Variants in SPECC1 observed in about 807,000 individuals in gnomAD.
SPECC1 encodes sperm antigen with calponin homology and coiled-coil domains 1, also known as cytospin-B.
In SPECC1, 62 loss-of-function variants were observed where a neutral mutation model predicts 104.1. The observed-to-expected ratio is 0.60, with a 90% CI of 0.49 to 0.74. SPECC1 has a LOEUF of 0.74. Ranked by LOEUF, SPECC1 falls within the 30% of genes least tolerant of loss-of-function variation. The pLI is 0.00. For missense variants in SPECC1, 1,306 were observed against 1,310.5 expected, an observed-to-expected ratio of 1.00 and a Z score of 0.05; for synonymous variants, 513 against 501.6, an observed-to-expected ratio of 1.02 and a Z score of -0.30.
intron 3 of SPECC1, among the ~76,000 whole-genome samples, chr17:20,132,052 T>G (rs1180502358): frequency 4.6e-5 from 7 of 152,130 alleles, no homozygotes; most frequent in Admixed American, 4.6e-4. Flanking sequence ...ATTCCAGTTT[T>G]TCTAAGATTT....
intron 12 of SPECC1, among the ~76,000 whole-genome samples, chr17:20,267,172 T>C (rs2040244489): frequency 6.6e-6 from 1 of 152,194 alleles, no homozygotes; most frequent in African/African-American, 2.4e-5. Context: ...GCTCAACTCA[T>C]ACACACTGGT....
At position 20,279,385 on chromosome 17, in the gene SPECC1, C is replaced by T. The variant is rs186749731; in HGVS notation, c.2941-17576C>T. On this transcript the variant is annotated intron_variant, in intron 12 of 14. Coordinates refer to ENST00000395527, the MANE Select transcript of SPECC1 (RefSeq NM_001243439.2). ...TTGCCCAGGCTGGAGTGCAATGGTG[C>T]GATCTCAGCTCACTGCAACCTCTGC... is the stretch of plus-strand genomic sequence containing the variant. Among the ~76,000 whole-genome samples, 246 of 143,134 alleles carry T rather than the reference C, an allele frequency of 1.7e-3. 1 individual carries two copies. Among genetic ancestry groups the T allele is most frequent in the African/African-American group, 6.3e-3 (239 of 38,000 alleles). The allele number at this position is 143,134 out of a possible 152,430, so 93.9% of individuals were successfully genotyped here.
At chr17:20,279,326 T>TC (rs2040683612) in intron 12 of SPECC1, among the ~76,000 whole-genome samples, 1 of 149,390 alleles carries the variant, frequency 6.7e-6, no homozygotes, top group African/African-American at 2.5e-5. Context: ...TTTTTTTCTT[T>TC]TTTTTTTTTT....
At chr17:20,211,914 T>C (rs1337764959) in intron 4 of SPECC1, among the ~76,000 whole-genome samples, 1 of 152,232 alleles carries the variant, frequency 6.6e-6, no homozygotes, top group Non-Finnish European at 1.5e-5. Context: ...TCCTTTCACA[T>C]GACCTCAGGA....
At chr17:20,122,659 G>A (rs967829369) in intron 3 of SPECC1, among the ~76,000 whole-genome samples, 5 of 151,988 alleles carry the variant, frequency 3.3e-5, no homozygotes, top group Admixed American at 1.3e-4. Flanking sequence ...CTCAGCTCCC[G>A]GCAAGCACCA....
At chr17:20,193,901 CAG>C (rs1227218654) in intron 3 of SPECC1, among the ~76,000 whole-genome samples, 1 of 152,140 alleles carries the variant, frequency 6.6e-6, no homozygotes, top group Non-Finnish European at 1.5e-5. Context: ...GAGCAGCAGT[CAG>C]AGATCACTGG....
chr17:20,182,765 GAAGA>G (rs749515957), intron 3 of SPECC1, among the ~76,000 whole-genome samples: 4 of 152,322 alleles, frequency 2.6e-5, no homozygotes, highest in East Asian at 3.9e-4. Context: ...GGAAAGGGGT[GAAGA>G]AAGAGAGAAC....
Position 20,318,084 on chromosome 17 carries a change from C to T in SPECC1, c.*4019C>T, listed in dbSNP as rs1167020137. ...TGAGGATTTCAAAGACCACAACAGC[C>T]ACATTTCTTTCCATCTTCCCTCAGC... is the stretch of plus-strand genomic sequence containing the variant. On this transcript the variant is annotated 3_prime_UTR_variant, in exon 15 of 15. Coordinates refer to ENST00000395527, the MANE Select transcript of SPECC1 (RefSeq NM_001243439.2). 2 of 231,150 alleles carry T rather than the reference C, an allele frequency of 8.7e-6. No homozygotes were observed. The highest frequency in any genetic ancestry group is 1.7e-5 in the Non-Finnish European group (2 of 116,846). 14.3% of individuals were successfully genotyped at this position (231,150 alleles called of 1,614,324 possible). A position where few individuals can be genotyped will look rare whatever the true frequency, so the allele number is the denominator to read the frequency against.
chr17:20,206,190 G>C (rs961069819), intron 4 of SPECC1, among the ~76,000 whole-genome samples: 1 of 152,198 alleles, frequency 6.6e-6, no homozygotes, highest in Non-Finnish European at 1.5e-5. Flanking sequence ...TACAGCCTAT[G>C]CCCAGGCTCT....
chr17:20,214,953 C>T (rs2151399371), intron 4 of SPECC1, among the ~76,000 whole-genome samples: 1 of 152,356 alleles, frequency 6.6e-6, no homozygotes, highest in Middle Eastern at 3.4e-3. Context: ...GGTTGTGCTG[C>T]TTCCTGGGAG....
intron 3 of SPECC1, among the ~76,000 whole-genome samples, chr17:20,134,797 C>A (rs1324838365): frequency 6.6e-6 from 1 of 152,118 alleles, no homozygotes; most frequent in Non-Finnish European, 1.5e-5. Flanking sequence ...AATGCTGTCC[C>A]TGCAGGTAAC....
chr17:20,076,741 G>T (rs892287413), intron 1 of SPECC1, among the ~76,000 whole-genome samples: 1 of 152,152 alleles, frequency 6.6e-6, no homozygotes, highest in African/African-American at 2.4e-5. Context: ...TTTTAATGGT[G>T]CTTGGTGTGT....
At chr17:20,193,286 C>A (rs1356003647) in intron 3 of SPECC1, among the ~76,000 whole-genome samples, 1 of 152,166 alleles carries the variant, frequency 6.6e-6, no homozygotes, top group Non-Finnish European at 1.5e-5. Flanking sequence ...TGACCTGTAT[C>A]TTGTGCCAAC....
At chr17:20,278,046 C>T (rs903984052) in intron 12 of SPECC1, among the ~76,000 whole-genome samples, 5 of 152,166 alleles carry the variant, frequency 3.3e-5, no homozygotes, top group African/African-American at 7.2e-5. Context: ...AAACCCTTAA[C>T]GACTCTGCAG....
chr17:20,164,649 G>T (rs1413630315), intron 3 of SPECC1, among the ~76,000 whole-genome samples: 1 of 152,146 alleles, frequency 6.6e-6, no homozygotes, highest in Non-Finnish European at 1.5e-5. Flanking sequence ...TTCTGTGCTT[G>T]TTAGTTTTCT....
chr17:20,116,476 A>AT (rs1300607469), intron 3 of SPECC1, among the ~76,000 whole-genome samples: 2 of 140,910 alleles, frequency 1.4e-5, no homozygotes, highest in Non-Finnish European at 3.1e-5. Context: ...AAATATTTAG[A>AT]AATAGTGTGA....
At chr17:20,029,442 A>G (rs533958536) in intron 1 of SPECC1, among the ~76,000 whole-genome samples, 118 of 152,334 alleles carry the variant, frequency 7.7e-4, no homozygotes, top group African/African-American at 2.7e-3. Context: ...TAAAGATCGT[A>G]TCGCCTGTAA....
chr17:20,017,271 G>T (rs1271884118), intron 1 of SPECC1: 2 of 152,386 alleles, frequency 1.3e-5, no homozygotes, highest in African/African-American at 4.8e-5. Flanking sequence ...ACACCTCGAA[G>T]GTCTGCAGCT....
chr17:20,160,404 T>C (rs189380128), intron 3 of SPECC1, among the ~76,000 whole-genome samples: 184 of 152,172 alleles, frequency 1.2e-3, no homozygotes, highest in South Asian at 4.0e-3. Context: ...TGGTGCACAT[T>C]ATTTCTACTT....
Sources: allele counts gnomAD v4.1 joint callset (sites outside exome capture counted in the v4.1 genomes callset), GRCh38; gene constraint gnomAD v4.1.1; transcripts MANE v1.5; gene names NCBI Gene and HGNC (gene_info 2026-07-23, HGNC 2026-07-21).